TRPM3: variants seen among roughly 807,000 people sequenced by gnomAD.
TRPM3 encodes the protein long transient receptor potential channel 3.
A neutral mutation model predicts 181.2 loss-of-function variants in TRPM3; 77 were observed. That is an observed-to-expected ratio of 0.42 (90% CI 0.35 to 0.51). The LOEUF (loss-of-function observed/expected upper bound fraction) is 0.51, where lower values mean the gene tolerates loss of function less well. Among genes scored for constraint, TRPM3 ranks in the 20% least tolerant of loss-of-function variants. The pLI is 0.01. For synonymous variants in TRPM3, 745 were observed against 796.4 expected (o/e 0.94, Z 1.09); for missense variants, 1,759 against 2,196.7 (o/e 0.80, Z 3.98).
intron 9 of TRPM3, among the ~76,000 whole-genome samples, chr9:70,667,502 G>T (rs1017456721): frequency 6.6e-6 from 1 of 152,026 alleles, no homozygotes; most frequent in East Asian, 1.9e-4. Flanking sequence ...TTGTGGCCCA[G>T]GTCTCACTTT....
chr9:71,042,856 G>T (rs1158429352), intron 1 of TRPM3, among the ~76,000 whole-genome samples: 1 of 152,106 alleles, frequency 6.6e-6, no homozygotes, highest in Non-Finnish European at 1.5e-5. Flanking sequence ...AGAATGAAAG[G>T]GCCATAAACA....
intron 1 of TRPM3, among the ~76,000 whole-genome samples, chr9:71,156,964 A>G (rs1343630136): frequency 1.3e-5 from 2 of 152,154 alleles, no homozygotes; most frequent in African/African-American, 4.8e-5. Flanking sequence ...GGACTTCCAC[A>G]GGAATTGTGT....
chr9:71,196,341 C>T (rs10746864), intron 1 of TRPM3, among the ~76,000 whole-genome samples: 65,078 of 151,536 alleles, frequency 0.43, 14,382 homozygotes, highest in East Asian at 0.52. Flanking sequence ...ATCACCAAAT[C>T]CATTTTTCTA....
At chr9:70,969,710 T>C (rs1393236873) in intron 1 of TRPM3, among the ~76,000 whole-genome samples, 1 of 148,772 alleles carries the variant, frequency 6.7e-6, no homozygotes, top group Non-Finnish European at 1.5e-5. Context: ...GTAAATAGCA[T>C]AATAATCCTA....
At chr9:70,886,083 A>G (rs1309953993) in intron 1 of TRPM3, among the ~76,000 whole-genome samples, 1 of 152,258 alleles carries the variant, frequency 6.6e-6, no homozygotes, top group African/African-American at 2.4e-5. Context: ...TTAACCATCA[A>G]CATTTTAGAA....
At chr9:70,701,200 C>T (rs56904143) in intron 8 of TRPM3, among the ~76,000 whole-genome samples, 23,338 of 152,126 alleles carry the variant, frequency 0.15, 2,380 homozygotes, top group East Asian at 0.39. Flanking sequence ...ATCTATCTTC[C>T]TAGACAACAT....
intron 1 of TRPM3, among the ~76,000 whole-genome samples, chr9:71,112,506 CA>C (rs1770971303): frequency 6.6e-6 from 1 of 152,052 alleles, no homozygotes; most frequent in South Asian, 2.1e-4. Flanking sequence ...TCTTTAATCA[CA>C]AAAAAATTAC....
chr9:71,317,444 A>G (rs1360280056), intron 1 of TRPM3, among the ~76,000 whole-genome samples: 1 of 152,146 alleles, frequency 6.6e-6, no homozygotes, highest in Non-Finnish European at 1.5e-5. Context: ...GTTCAAGACC[A>G]GCCTGGGCAA....
chr9:71,332,143 C>T (rs1481963633), intron 1 of TRPM3, among the ~76,000 whole-genome samples: 1 of 151,532 alleles, frequency 6.6e-6, no homozygotes, highest in East Asian at 1.9e-4. Flanking sequence ...AACCCCTTCA[C>T]TAAGAAAACT....
rs117305122 is a variant in TRPM3 at position 71,380,574 on chromosome 9, G to A, written c.183+66079C>T. On this transcript the variant is annotated intron_variant, in intron 1 of 24. Transcript: ENST00000357533. ...ACCTCTCTAACCTACTTCTTTTTAG[G>A]GAGACAGGTCTTCCCAGAGAAAGAA... Among the ~76,000 whole-genome samples the A allele has an allele frequency of 3.5e-3, 537 of 152,034 alleles. 2 individuals carry two copies. Among genetic ancestry groups the A allele is most frequent in the Non-Finnish European group, 6.2e-3 (421 of 67,954 alleles).
chr9:71,354,998 G>C (rs1207386304), intron 1 of TRPM3, among the ~76,000 whole-genome samples: 2 of 152,246 alleles, frequency 1.3e-5, no homozygotes, highest in African/African-American at 4.8e-5. Context: ...ATCTTTCTTA[G>C]TTCTTTGAGC....
chr9:71,083,112 G>T (rs1016643525), intron 1 of TRPM3, among the ~76,000 whole-genome samples: 1 of 151,962 alleles, frequency 6.6e-6, no homozygotes, highest in East Asian at 1.9e-4. Flanking sequence ...GCTTAAAGAC[G>T]TATGAGCCTG....
At chr9:71,199,908 C>T (rs6560190) in intron 1 of TRPM3, among the ~76,000 whole-genome samples, 41,959 of 151,896 alleles carry the variant, frequency 0.28, 6,190 homozygotes, top group East Asian at 0.36. Flanking sequence ...TTCTTGCCTT[C>T]TGCTAGCTTT....
intron 1 of TRPM3, among the ~76,000 whole-genome samples, chr9:71,414,080 A>G (rs1328670995): frequency 6.6e-6 from 1 of 152,108 alleles, no homozygotes; most frequent in Non-Finnish European, 1.5e-5. Flanking sequence ...TTTAATTTAT[A>G]CCATTGTATC....
At chr9:71,411,546 G>T (rs2093550169) in intron 1 of TRPM3, among the ~76,000 whole-genome samples, 1 of 152,174 alleles carries the variant, frequency 6.6e-6, no homozygotes, top group Non-Finnish European at 1.5e-5. Context: ...ACTTACAAGG[G>T]ATGTGAAGGA....
chr9:70,563,057 G>A (rs931791381), intron 22 of TRPM3, among the ~76,000 whole-genome samples: 10 of 152,198 alleles, frequency 6.6e-5, no homozygotes, highest in African/African-American at 2.4e-4. Context: ...TGGAATGTTA[G>A]CAAATGTGAC....
chr9:70,604,564 G>A (rs1302251189), intron 19 of TRPM3, among the ~76,000 whole-genome samples: 2 of 152,352 alleles, frequency 1.3e-5, no homozygotes, highest in Middle Eastern at 3.4e-3. Flanking sequence ...TGGAGGTACT[G>A]CATGACTTTG....
chr9:71,285,855 G>C (rs1296876277), intron 1 of TRPM3, among the ~76,000 whole-genome samples: 2 of 152,094 alleles, frequency 1.3e-5, no homozygotes, highest in Non-Finnish European at 2.9e-5. Flanking sequence ...CACTCTACAG[G>C]TGCAAATTAA....
intron 22 of TRPM3, among the ~76,000 whole-genome samples, chr9:70,579,956 G>C (rs544044391): frequency 6.6e-6 from 1 of 152,138 alleles, no homozygotes; most frequent in African/African-American, 2.4e-5. Context: ...CAGCTTCCAC[G>C]TCACCTGCCC....
Sources: gnomAD v4.1 joint callset for allele counts (sites outside exome capture counted in the v4.1 genomes callset) on GRCh38, gnomAD v4.1.1 for gene constraint, MANE v1.5 for transcripts, NCBI Gene and HGNC (gene_info 2026-07-23, HGNC 2026-07-21) for gene names.